ERC2: variants seen among roughly 807,000 people sequenced by gnomAD.
ERC2 encodes ERC protein 2.
In ERC2, 42 loss-of-function variants were observed where a neutral mutation model predicts 114.8. The observed-to-expected ratio is 0.37, with a 90% CI of 0.29 to 0.47. The LOEUF (loss-of-function observed/expected upper bound fraction) is 0.47. Ranked by LOEUF, ERC2 falls within the 20% of genes least tolerant of loss-of-function variation. The pLI is 0.99. For synonymous variants in ERC2, 454 were observed against 425.5 expected, an observed-to-expected ratio of 1.07 and a Z score of -0.82; for missense variants, 939 against 1,150.7, an observed-to-expected ratio of 0.82 and a Z score of 2.66.
intron 14 of ERC2, among the ~76,000 whole-genome samples, chr3:55,860,619 C>T (rs145990667): frequency 3.0e-4 from 45 of 152,238 alleles, no homozygotes; most frequent in East Asian, 7.7e-4. Context: ...GTCCTGTCAA[C>T]GACGCACTTT....
intron 2 of ERC2, among the ~76,000 whole-genome samples, chr3:56,378,221 C>T: frequency 6.7e-6 from 1 of 149,674 alleles, no homozygotes; most frequent in South Asian, 2.2e-4. Flanking sequence ...CACATATACA[C>T]CATGGAATAC....
chr3:55,645,642 TG>T (rs1272400758), intron 17 of ERC2, among the ~76,000 whole-genome samples: 1 of 152,146 alleles, frequency 6.6e-6, no homozygotes, highest in Non-Finnish European at 1.5e-5. Flanking sequence ...AACATCTGGA[TG>T]ATCCAGGAAA....
intron 3 of ERC2, among the ~76,000 whole-genome samples, chr3:56,208,569 A>G (rs1299458382): frequency 6.6e-6 from 1 of 152,256 alleles, no homozygotes; most frequent in African/African-American, 2.4e-5. Flanking sequence ...CCCAGTGTTC[A>G]GAGCAGTCAA....
At chr3:56,252,763 A>T (rs2052259376) in intron 3 of ERC2, among the ~76,000 whole-genome samples, 1 of 151,606 alleles carries the variant, frequency 6.6e-6, no homozygotes, top group South Asian at 2.1e-4. Context: ...GTCTCAAAAA[A>T]AAAAAAAAAA....
At chr3:55,991,658 C>T (rs1421024219) in intron 11 of ERC2, among the ~76,000 whole-genome samples, 2 of 152,130 alleles carry the variant, frequency 1.3e-5, no homozygotes, top group Admixed American at 6.5e-5. Flanking sequence ...CTATATTCTT[C>T]GGTTTTTGGT....
At position 56,456,850 on chromosome 3, in the gene ERC2, G is replaced by T. The variant is rs1234400751; in HGVS notation, c.-141+11398C>A. On this transcript the variant is annotated intron_variant, in intron 1 of 17. Coordinates refer to ENST00000288221, the MANE Select transcript of ERC2 (RefSeq NM_015576.3). ...CTACTTGTCGGCAGGTAAGGTCATGGTACAGTAGCTCAGAATGGTGGTTCA... is the reference window on the plus strand; with the variant it reads ...CTACTTGTCGGCAGGTAAGGTCATGTTACAGTAGCTCAGAATGGTGGTTCA... Among the ~76,000 whole-genome samples, 3 of 152,154 alleles carry T rather than the reference G, an allele frequency of 2.0e-5. No individual in the cohort carries two copies. The East Asian group carries it at 5.8e-4, about 29-fold the overall frequency.
chr3:55,624,602 G>A (rs2059441204), intron 17 of ERC2, among the ~76,000 whole-genome samples: 2 of 152,168 alleles, frequency 1.3e-5, no homozygotes, highest in African/African-American at 4.8e-5. Context: ...GGAGTCTGAC[G>A]GCATGGGTCT....
chr3:56,373,634 C>A (rs1337210043), intron 2 of ERC2, among the ~76,000 whole-genome samples: 1 of 152,126 alleles, frequency 6.6e-6, no homozygotes, highest in Non-Finnish European at 1.5e-5. Context: ...TGCAAAGGGC[C>A]AAACAGTAAA....
At chr3:55,920,802 A>T (rs986134199) in intron 13 of ERC2, among the ~76,000 whole-genome samples, 6 of 152,264 alleles carry the variant, frequency 3.9e-5, no homozygotes, top group Middle Eastern at 3.4e-3. Flanking sequence ...TATGGCATTC[A>T]TTGGATGCTC....
At chr3:55,525,373 A>G (rs554815950) in intron 17 of ERC2, among the ~76,000 whole-genome samples, 1 of 152,336 alleles carries the variant, frequency 6.6e-6, no homozygotes, top group African/African-American at 2.4e-5. Context: ...GGTCAGGGGC[A>G]CAGATGGGTA....
At chr3:56,282,012 T>C (rs1299971752) in intron 3 of ERC2, among the ~76,000 whole-genome samples, 1 of 152,218 alleles carries the variant, frequency 6.6e-6, no homozygotes, top group Non-Finnish European at 1.5e-5. Context: ...TCCTCATTTT[T>C]CTTCAAGGAA....
At chr3:56,254,373 C>A (rs1219333902) in intron 3 of ERC2, among the ~76,000 whole-genome samples, 2 of 151,776 alleles carry the variant, frequency 1.3e-5, no homozygotes, top group Non-Finnish European at 2.9e-5. Flanking sequence ...TTGATGGAAT[C>A]CTGCTCGTTT....
chr3:55,578,468 T>C (rs533790975), intron 17 of ERC2, among the ~76,000 whole-genome samples: 1 of 152,294 alleles, frequency 6.6e-6, no homozygotes, highest in African/African-American at 2.4e-5. Flanking sequence ...CAGAAAGGCC[T>C]TTACTCAGCG....
chr3:55,749,253 T>C (rs2066508120), intron 14 of ERC2, among the ~76,000 whole-genome samples: 1 of 152,154 alleles, frequency 6.6e-6, no homozygotes, highest in African/African-American at 2.4e-5. Flanking sequence ...TACCACTCCC[T>C]GCAATACCGA....
At chr3:55,781,876 G>GAA (rs532360945) in intron 14 of ERC2, among the ~76,000 whole-genome samples, 1,650 of 81,188 alleles carry the variant, frequency 0.02, 37 homozygotes, top group African/African-American at 0.058. Flanking sequence ...CAGCCTCACA[G>GAA]AAAAAAAAAA....
intron 15 of ERC2, among the ~76,000 whole-genome samples, chr3:55,731,953 G>A (rs2065275836): frequency 6.6e-5 from 10 of 152,050 alleles, no homozygotes; most frequent in Admixed American, 6.6e-4. Flanking sequence ...AAGATAAGGA[G>A]GCCTCACAAT....
intron 1 of ERC2, among the ~76,000 whole-genome samples, chr3:56,443,364 G>A (rs777494521): frequency 2.0e-5 from 3 of 152,158 alleles, no homozygotes; most frequent in African/African-American, 4.8e-5. Context: ...AGTTAGCGAC[G>A]TAGGCTCACC....
intron 17 of ERC2, among the ~76,000 whole-genome samples, chr3:55,521,484 GAGA>G (rs1351764963): frequency 3.9e-5 from 6 of 152,200 alleles, no homozygotes; most frequent in African/African-American, 1.4e-4. Flanking sequence ...TACTTTCTTG[GAGA>G]AGAAGAGAGA....
rs1309889298 is a variant in ERC2 at position 55,664,214 on chromosome 3, G to C, written c.*39+19580C>G. 2.0e-5 allele frequency among the ~76,000 whole-genome samples: 3 copies of C among 151,922 alleles called. No individual in the cohort carries two copies. The East Asian group carries it at 5.8e-4, about 29-fold the overall frequency. On this transcript the variant is annotated intron_variant, in intron 17 of 17. Transcript: ENST00000288221. ...GTCTGTTAGAAACGTAAAATCTCAG[G>C]CTCCACCCAGACCTAATGGAATCAG...
Sources: allele counts gnomAD v4.1 joint callset (sites outside exome capture counted in the v4.1 genomes callset), GRCh38; gene constraint gnomAD v4.1.1; transcripts MANE v1.5; gene names NCBI Gene and HGNC (gene_info 2026-07-23, HGNC 2026-07-21).